Variants in QTMAN observed in about 807,000 individuals in gnomAD.
QTMAN encodes queuosine-tRNA mannosyltransferase.
the QTMAN span, among the ~76,000 whole-genome samples, chr2:144,067,656 C>T: frequency 2.6e-5 from 4 of 152,090 alleles, no homozygotes; most frequent in African/African-American, 7.2e-5. Flanking sequence ...TCTAGGGTAC[C>T]GCCAGAGAAG....
At chr2:144,239,761 A>G in the QTMAN span, among the ~76,000 whole-genome samples, 2 of 152,232 alleles carry the variant, frequency 1.3e-5, no homozygotes, top group African/African-American at 4.8e-5. Flanking sequence ...AATGAAGTAC[A>G]GTCAGTTTTC....
chr2:144,122,987 T>C, the QTMAN span, among the ~76,000 whole-genome samples: 1 of 152,202 alleles, frequency 6.6e-6, no homozygotes, highest in East Asian at 1.9e-4. Flanking sequence ...CACGCACCCC[T>C]CTTAACAATA....
At chr2:144,024,106 A>T in the QTMAN span, among the ~76,000 whole-genome samples, 1 of 152,274 alleles carries the variant, frequency 6.6e-6, no homozygotes, top group Non-Finnish European at 1.5e-5. Flanking sequence ...TAAACTGCTG[A>T]AGGCCATTTA....
the QTMAN span, among the ~76,000 whole-genome samples, chr2:144,188,865 A>T: frequency 6.6e-6 from 1 of 152,242 alleles, no homozygotes; most frequent in Non-Finnish European, 1.5e-5. Context: ...TTCTTTAATT[A>T]GCAAGAACAT....
the QTMAN span, among the ~76,000 whole-genome samples, chr2:144,111,405 CT>C: frequency 6.6e-6 from 1 of 152,178 alleles, no homozygotes; most frequent in Non-Finnish European, 1.5e-5. Context: ...CCAAATACAA[CT>C]ATAGCAGTAA....
At chr2:144,116,217 G>C in the QTMAN span, among the ~76,000 whole-genome samples, 1 of 141,604 alleles carries the variant, frequency 7.1e-6, no homozygotes, top group Non-Finnish European at 1.5e-5. Flanking sequence ...TTATATATTA[G>C]TCAACCTTAA....
chr2:144,058,404 G>A, the QTMAN span, among the ~76,000 whole-genome samples: 296 of 152,200 alleles, frequency 1.9e-3, 1 homozygote, highest in African/African-American at 6.9e-3. Context: ...ATTTAAGAGT[G>A]CCCAATCTAT....
chr2:144,040,500 C>A, the QTMAN span, among the ~76,000 whole-genome samples: 2 of 152,080 alleles, frequency 1.3e-5, no homozygotes, highest in African/African-American at 4.8e-5. Context: ...ACATTCTTCT[C>A]TTGCCTACTG....
chr2:144,134,654 G>C, the QTMAN span, among the ~76,000 whole-genome samples: 1 of 152,114 alleles, frequency 6.6e-6, no homozygotes, highest in Admixed American at 6.6e-5. Flanking sequence ...ATGAAATTCT[G>C]TTGTAGTGAT....
At chr2:144,173,340 G>A in the QTMAN span, among the ~76,000 whole-genome samples, 1 of 152,140 alleles carries the variant, frequency 6.6e-6, no homozygotes, top group Non-Finnish European at 1.5e-5. Flanking sequence ...GTGACAAAAT[G>A]TATGTGATTA....
the QTMAN span, among the ~76,000 whole-genome samples, chr2:143,995,307 G>A: frequency 1.3e-5 from 2 of 152,046 alleles, no homozygotes; most frequent in African/African-American, 4.8e-5. Context: ...ACTTTATTTA[G>A]CTATTTCTTT....
chr2:144,332,375 G>A, the QTMAN span: 1 of 148,548 alleles, frequency 6.7e-6, no homozygotes, highest in Non-Finnish European at 1.5e-5. Context: ...GGAGGGGAGG[G>A]GAGGGGCCGC....
the QTMAN span, among the ~76,000 whole-genome samples, chr2:144,112,364 G>T: frequency 6.6e-6 from 1 of 152,202 alleles, no homozygotes; most frequent in South Asian, 2.1e-4. Flanking sequence ...CAAGAAGGCA[G>T]ATTAGCTAGA....
the QTMAN span, among the ~76,000 whole-genome samples, chr2:144,325,364 T>C: frequency 6.6e-6 from 1 of 152,104 alleles, no homozygotes; most frequent in Non-Finnish European, 1.5e-5. Flanking sequence ...GCAATTATAC[T>C]CGTCACAGAA....
chr2:144,306,873 T>A, the QTMAN span, among the ~76,000 whole-genome samples: 4 of 151,846 alleles, frequency 2.6e-5, no homozygotes, highest in Non-Finnish European at 5.9e-5. Context: ...TAAAAGAAAA[T>A]ACAAATGGCT....
chr2:144,248,966 T>G, the QTMAN span, among the ~76,000 whole-genome samples: 1 of 152,202 alleles, frequency 6.6e-6, no homozygotes, highest in Admixed American at 6.5e-5. Flanking sequence ...GATCCATGTT[T>G]ATCACCCCAA....
the QTMAN span, among the ~76,000 whole-genome samples, chr2:144,053,143 TA>T: frequency 6.6e-6 from 1 of 152,168 alleles, no homozygotes; most frequent in Admixed American, 6.5e-5. Flanking sequence ...ATCAGCATTT[TA>T]AAAAGAAATG....
chr2:144,031,049 A>G, the QTMAN span, among the ~76,000 whole-genome samples: 8 of 152,224 alleles, frequency 5.3e-5, no homozygotes, highest in African/African-American at 1.9e-4. Context: ...TGCCAGACAA[A>G]GCTCATAATG....
the QTMAN span, among the ~76,000 whole-genome samples, chr2:143,964,309 T>C: frequency 5.3e-5 from 8 of 152,178 alleles, no homozygotes; most frequent in East Asian, 1.5e-3. Flanking sequence ...AAAAAAATTA[T>C]AAGGAAAAGG....
Sources: allele counts gnomAD v4.1 joint callset (sites outside exome capture counted in the v4.1 genomes callset), GRCh38; gene constraint gnomAD v4.1.1; transcripts MANE v1.5; gene names NCBI Gene and HGNC (gene_info 2026-07-23, HGNC 2026-07-21).